The following TTC28 variants were observed in gnomAD, a reference collection of about 807,000 sequenced individuals.
The protein encoded by TTC28 is tetratricopeptide repeat domain 28.
TTC28 carries 61 observed loss-of-function variants against 198.0 expected under a neutral mutation model. The ratio of observed to expected loss-of-function variants is 0.31; its 90% CI spans 0.25 to 0.38. TTC28 has a LOEUF of 0.38. TTC28 is among the 10% of genes least tolerant of loss of function. The probability of loss-of-function intolerance (pLI) is 1.00; values close to 1 mark genes in which losing one functional copy is unlikely to be tolerated. For missense variants in TTC28, 2,678 were observed against 3,164.0 expected (o/e 0.85, Z 3.69); for synonymous variants, 1,171 against 1,297.8 (o/e 0.90, Z 2.10).
At chr22:28,529,088 G>C (rs1263395191) in intron 2 of TTC28, among the ~76,000 whole-genome samples, 1 of 152,312 alleles carries the variant, frequency 6.6e-6, no homozygotes, top group East Asian at 1.9e-4. Flanking sequence ...AGCCCACAGA[G>C]TGTGAGCCGA....
At chr22:28,171,618 T>A (rs1922683419) in intron 5 of TTC28, among the ~76,000 whole-genome samples, 1 of 127,528 alleles carries the variant, frequency 7.8e-6, no homozygotes, top group Admixed American at 7.6e-5. Flanking sequence ...AAATGGCATA[T>A]TTGCAAAAAA....
intron 5 of TTC28, among the ~76,000 whole-genome samples, chr22:28,223,141 C>T (rs1200812716): frequency 6.6e-6 from 1 of 152,104 alleles, no homozygotes; most frequent in Non-Finnish European, 1.5e-5. Flanking sequence ...TGGAGAGGGG[C>T]GGCCAGAGCC....
Position 27,983,730 on chromosome 22 carries a change from G to C in TTC28, c.5937C>G (p.Pro1979=), listed in dbSNP as rs1460192934. The change falls in exon 23 of 23, where the codon CCC becomes CCG. Residue 1979 remains proline, a synonymous_variant. Transcript: ENST00000397906. The stretch of plus-strand genomic sequence containing the variant: ...CTGAGGCGATGCTGTCCGCACCGGT[G>C]GGAGAGAAGGGGGGTTGCTGGTAAC... ...PLGYQQPPFS[P]TGADSIASDA... is the part of the protein sequence containing the mutation. 7 of 1,551,542 alleles carry C rather than the reference G, an allele frequency of 4.5e-6. No individual in the cohort carries two copies. Among genetic ancestry groups the C allele is most frequent in the Non-Finnish European group, 6.1e-6 (7 of 1,147,004 alleles).
chr22:28,302,491 G>C (rs2045046549), intron 3 of TTC28, among the ~76,000 whole-genome samples: 1 of 152,110 alleles, frequency 6.6e-6, no homozygotes. Context: ...GCCTTTAGAT[G>C]CTAGTTCTTG....
intron 2 of TTC28, among the ~76,000 whole-genome samples, chr22:28,343,192 T>G (rs1393912721): frequency 6.6e-6 from 1 of 152,066 alleles, no homozygotes; most frequent in Admixed American, 6.5e-5. Flanking sequence ...CAACGGAGAT[T>G]AGACAGAAAA....
At chr22:28,627,404 G>A (rs1031413186) in intron 2 of TTC28, among the ~76,000 whole-genome samples, 4 of 151,332 alleles carry the variant, frequency 2.6e-5, no homozygotes, top group African/African-American at 4.9e-5. Context: ...ACTCTAGTTC[G>A]CAAATGGTAT....
At chr22:28,469,757 A>G (rs553605655) in intron 2 of TTC28, among the ~76,000 whole-genome samples, 1 of 152,320 alleles carries the variant, frequency 6.6e-6, no homozygotes, top group South Asian at 2.1e-4. Flanking sequence ...CCTTGATCTG[A>G]GCCTAGTGAA....
At chr22:28,588,864 T>G (rs1390658838) in intron 2 of TTC28, among the ~76,000 whole-genome samples, 1 of 152,180 alleles carries the variant, frequency 6.6e-6, no homozygotes, top group Non-Finnish European at 1.5e-5. Context: ...CATTTCAATC[T>G]AAGCCTCAAC....
chr22:28,226,331 C>T lies in TTC28; in HGVS notation c.934-62732G>A, dbSNP rs554513411. Among the ~76,000 whole-genome samples, 139 of 152,240 alleles carry T rather than the reference C, an allele frequency of 9.1e-4. 1 individual carries two copies. Among genetic ancestry groups the T allele is most frequent in the African/African-American group, 3.2e-3 (132 of 41,544 alleles). ...TGTGGTCAGTGTTTTTAATTTTAGC[C>T]ATTCTAATGGGCATGTAGGCTTGCT... On this transcript the variant is annotated intron_variant, in intron 5 of 22. Transcript: ENST00000397906.
intron 2 of TTC28, among the ~76,000 whole-genome samples, chr22:28,378,217 A>G (rs1042596523): frequency 6.6e-6 from 1 of 150,940 alleles, no homozygotes; most frequent in Non-Finnish European, 1.5e-5. Context: ...ATGGTGGTGC[A>G]CACCTGTAAT....
chr22:28,460,258 G>C (rs994737392), intron 2 of TTC28, among the ~76,000 whole-genome samples: 2 of 152,128 alleles, frequency 1.3e-5, no homozygotes, highest in African/African-American at 4.8e-5. Context: ...CGTGGGTAAA[G>C]GTTGATTGTG....
Position 28,306,643 on chromosome 22 carries a change from C to T in TTC28, c.382G>A (p.Ala128Thr). ...ARLLNPKWPKAYFRQGVALQY... is the reference protein window; with the variant it reads ...ARLLNPKWPKTYFRQGVALQY... The stretch of plus-strand genomic sequence containing the variant: ...AGGGCAACACCCTGTCGGAAGTATG[C>T]CTAGAAATAAAAGATATATAAGATA... The change falls in exon 3 of 23, where the codon GCA becomes ACA. Residue 128 changes from alanine (A) to threonine (T), a missense_variant and splice_region_variant. Around this residue, in one of 8 missense-constraint regions of TTC28, gnomAD observed 176 missense variants for 197.9 expected, o/e 0.89. Coordinates refer to ENST00000397906, the MANE Select transcript of TTC28 (RefSeq NM_001145418.2). 1.9e-6 allele frequency: 3 copies of T among 1,551,240 alleles called. No individual in the cohort carries two copies. The highest frequency in any genetic ancestry group is 2.6e-6 in the Non-Finnish European group (3 of 1,146,942).
chr22:28,337,791 T>A (rs914772674), intron 2 of TTC28, among the ~76,000 whole-genome samples: 6 of 152,184 alleles, frequency 3.9e-5, no homozygotes, highest in African/African-American at 1.4e-4. Context: ...TGACTCTTTA[T>A]CCAATTTGCC....
intron 5 of TTC28, among the ~76,000 whole-genome samples, chr22:28,163,811 G>A (rs1246632979): frequency 2.6e-5 from 4 of 152,224 alleles, no homozygotes; most frequent in South Asian, 4.1e-4. Flanking sequence ...GACAGTGGGT[G>A]CAGCGCACCG....
chr22:28,201,699 G>GA (rs1436073542), intron 5 of TTC28, among the ~76,000 whole-genome samples: 2 of 129,786 alleles, frequency 1.5e-5, no homozygotes, highest in Non-Finnish European at 3.2e-5. Context: ...AATAAGCAAG[G>GA]AAAAAAGAGT....
chr22:28,674,817 C>CAAA (rs34351638), intron 1 of TTC28, among the ~76,000 whole-genome samples: 1 of 96,584 alleles, frequency 1.0e-5, no homozygotes, highest in African/African-American at 4.1e-5. Context: ...ACTCTGTCTC[C>CAAA]AAAAAAAAAA....
At chr22:28,437,997 C>A (rs1459753294) in intron 2 of TTC28, among the ~76,000 whole-genome samples, 1 of 152,088 alleles carries the variant, frequency 6.6e-6, no homozygotes, top group Non-Finnish European at 1.5e-5. Context: ...TCAAGAGATC[C>A]GCCAGAACCA....
In TTC28 at chr22:27,982,265, T is replaced by C; in HGVS notation, c.7402A>G (p.Lys2468Glu). ...AAAAATCTTCCTGGAGACAGGAACTTGTAGCCATTTCCAGAAGGAAGCCTC... is the reference window on the plus strand; with the variant it reads ...AAAAATCTTCCTGGAGACAGGAACTCGTAGCCATTTCCAGAAGGAAGCCTC... ...PLRLPSGNGY[K>E]FLSPGRFFPS... Residue 2468 changes from lysine (K) to glutamate (E), a missense_variant, in exon 23 of 23, where the codon AAG becomes GAG. Transcript: ENST00000397906. The surrounding 1 kb of genome is among the most constrained non-coding windows in gnomAD (Gnocchi z 5.2). 1 of 1,475,176 alleles carries C rather than the reference T, an allele frequency of 6.8e-7. No individual in the cohort carries two copies. Among genetic ancestry groups the C allele is most frequent in the Non-Finnish European group, 9.0e-7 (1 of 1,112,774 alleles). The allele number at this position is 1,475,176 out of a possible 1,614,324, so 91.4% of individuals were successfully genotyped here.
In TTC28 at chr22:28,372,605, T is replaced by C. The variant is rs564768161; in HGVS notation, c.382-65962A>G. On this transcript the variant is annotated intron_variant, in intron 2 of 22. Transcript: ENST00000397906. ...TCTATTTGTTCCAAGATTACGCTCT[T>C]TGTTCTACACACTGGGTAACAATAA... 1.1e-4 allele frequency among the ~76,000 whole-genome samples: 17 copies of C among 152,122 alleles called. No individual in the cohort carries two copies. The South Asian group carries it at 3.3e-3, about 30-fold the overall frequency.
Sources: gnomAD v4.1 joint callset for allele counts (sites outside exome capture counted in the v4.1 genomes callset) on GRCh38, gnomAD v4.1.1 for gene constraint, gnomAD v4.1.1 regional missense constraint, Gnocchi (gnomAD v3.1) non-coding constraint, MANE v1.5 for transcripts, NCBI Gene and HGNC (gene_info 2026-07-23, HGNC 2026-07-21) for gene names.